The following SUGT1 variants were observed in gnomAD, a reference collection of about 807,000 sequenced individuals.
The protein encoded by SUGT1 is protein SGT1 homolog.
In SUGT1, 15 loss-of-function variants were observed where a neutral mutation model predicts 56.1. That is an observed-to-expected ratio of 0.27 (90% CI 0.18 to 0.41). SUGT1 has a LOEUF of 0.41. Among genes scored for constraint, SUGT1 ranks in the 10% least tolerant of loss-of-function variants. The probability of loss-of-function intolerance (pLI) is 1.00; values close to 1 mark genes in which losing one functional copy is unlikely to be tolerated. For synonymous variants in SUGT1, 123 were observed against 128.6 expected (o/e 0.96, Z 0.30); for missense variants, 347 against 382.2 (o/e 0.91, Z 0.77).
rs1963721567 is a variant in SUGT1 at position 52,689,756 on chromosome 13, G to T, written c.*1921G>T. ...GGCGGAGGTGGGCAGATCACCTGAG[G>T]TCAGGAGTTCAAGACCAGCCTGGCC... On this transcript the variant is annotated 3_prime_UTR_variant, in exon 13 of 13. Coordinates refer to ENST00000310528, the MANE Select transcript of SUGT1 (RefSeq NM_006704.5). The T allele has an allele frequency of 6.6e-6, 1 of 152,228 alleles. No homozygotes were observed. The highest frequency in any genetic ancestry group is 2.4e-5 in the African/African-American group (1 of 41,420). The allele number at this position is 152,228 out of a possible 1,614,324, so 9.4% of individuals were successfully genotyped here. A position where few individuals can be genotyped will look rare whatever the true frequency, so the allele number is the denominator to read the frequency against.
At chr13:52,659,068 T>C (rs1962302955) in intron 4 of SUGT1, 111 bp from the exon 5 acceptor site, 2 of 789,680 alleles carry the variant, frequency 2.5e-6, no homozygotes, top group Non-Finnish European at 3.8e-6. Flanking sequence ...AACATACACT[T>C]AAAATAAATT....
intron 3 of SUGT1, 69 bp from the exon 4 acceptor site, chr13:52,658,330 A>AT: frequency 1.3e-5 from 21 of 1,591,092 alleles, no homozygotes; most frequent in Non-Finnish European, 1.7e-5. Flanking sequence ...TCTAAAACTG[A>AT]TTCATATGTT....
intron 10 of SUGT1, among the ~76,000 whole-genome samples, chr13:52,672,798 G>A (rs895813587): frequency 1.6e-4 from 25 of 152,164 alleles, no homozygotes; most frequent in Non-Finnish European, 3.1e-4. Flanking sequence ...TTGCTTAAGC[G>A]TAATGCCATC....
chr13:52,663,921 AAAT>A lies in SUGT1; in HGVS notation c.400-111_400-109del. The A allele has an allele frequency of 3.0e-6, 3 of 985,756 alleles. No individual in the cohort carries two copies. The South Asian group carries it at 4.7e-5, about 15-fold the overall frequency. The allele number at this position is 985,756 out of a possible 1,614,324, so 61.1% of individuals were successfully genotyped here. A position where few individuals can be genotyped will look rare whatever the true frequency, so the allele number is the denominator to read the frequency against. On this transcript the variant is annotated intron_variant, in intron 7 of 12. Transcript: ENST00000310528. ...ATTTTCATGTAGTTATTTTATATCA[AAAT>A]AACTGCAGTGTTGGGTAAATTAATA...
At chr13:52,665,783 T>G (rs577122474) in intron 9 of SUGT1, 50 bp downstream of exon 9, 1 of 1,249,898 alleles carries the variant, frequency 8.0e-7, no homozygotes, top group African/African-American at 1.5e-5. Flanking sequence ...ATTTGCAAAT[T>G]TAGTATATTG....
chr13:52,671,503 C>G (rs1962935012), intron 10 of SUGT1, among the ~76,000 whole-genome samples: 1 of 152,124 alleles, frequency 6.6e-6, no homozygotes, highest in African/African-American at 2.4e-5. Context: ...ATTCCAGGCA[C>G]TGTACTATGA....
At position 52,679,958 on chromosome 13, in the gene SUGT1, T is replaced by C; in HGVS notation, c.719-16T>C. 6.4e-7 allele frequency: 1 copy of C among 1,561,636 alleles called. No homozygotes were observed. Among genetic ancestry groups the C allele is most frequent in the South Asian group, 1.2e-5 (1 of 82,808 alleles). On this transcript the variant is annotated splice_polypyrimidine_tract_variant and intron_variant, in intron 11 of 12. Coordinates refer to ENST00000310528, the MANE Select transcript of SUGT1 (RefSeq NM_006704.5). ...AACATGTTGATTAATTACTTCTGCC[T>C]TTTTTTACTTCATAGATGTAAAGAA...
rs1229527270 is a variant in SUGT1, at chr13:52,693,764, G to T, written c.*5929G>T. 2 of 152,046 alleles carry T rather than the reference G, an allele frequency of 1.3e-5. No homozygotes were observed. The highest frequency in any genetic ancestry group is 2.9e-5 in the Non-Finnish European group (2 of 68,018). 9.4% of individuals were successfully genotyped at this position (152,046 alleles called of 1,614,324 possible). On this transcript the variant is annotated 3_prime_UTR_variant, in exon 13 of 13. Transcript: ENST00000310528. ...ATCTGTATGACAAGTGATATAAAAC[G>T]TGACCTGAATTTATAATATGAATAG...
At chr13:52,686,651 G>C (rs763881634) in intron 12 of SUGT1, among the ~76,000 whole-genome samples, 7 of 152,170 alleles carry the variant, frequency 4.6e-5, no homozygotes, top group Non-Finnish European at 1.0e-4. Context: ...CCAATGTGTA[G>C]GATATGTAAC....
chr13:52,655,457 G>A (rs1962117377), intron 2 of SUGT1, among the ~76,000 whole-genome samples: 1 of 152,236 alleles, frequency 6.6e-6, no homozygotes, highest in African/African-American at 2.4e-5. Context: ...TACTTTAAAA[G>A]CAGAGTAGAT....
chr13:52,663,048 T>A (rs371909139), intron 6 of SUGT1, 48 bp from the exon 7 acceptor site: 59 of 1,592,802 alleles, frequency 3.7e-5, no homozygotes, highest in Non-Finnish European at 4.8e-5. Context: ...TAACTTTGCT[T>A]AAAAATGCAC....
At chr13:52,680,235 A>G (rs1044965633) in intron 12 of SUGT1, 80 bp downstream of exon 12, 1 of 1,352,556 alleles carries the variant, frequency 7.4e-7, no homozygotes, top group Non-Finnish European at 1.0e-6. Context: ...ATGTGAGACC[A>G]AATTGCGTGT....
chr13:52,657,106 A>G (rs1962203316), intron 2 of SUGT1, among the ~76,000 whole-genome samples: 1 of 152,204 alleles, frequency 6.6e-6, no homozygotes, highest in South Asian at 2.1e-4. Context: ...CCTGAGTGCT[A>G]GATTTAACTT....
intron 9 of SUGT1, among the ~76,000 whole-genome samples, chr13:52,666,572 T>C (rs999085952): frequency 6.6e-6 from 1 of 152,214 alleles, no homozygotes; most frequent in Admixed American, 6.5e-5. Context: ...ACAAATATTA[T>C]GAAACTTATT....
rs1963742629 is a variant in SUGT1, at chr13:52,690,379, C to G, written c.*2544C>G. ...TAATTGTTCCCTCTTTGTTTCTAGA[C>G]TCCAATTTTCATTTCTCAAATTTTG... On this transcript the variant is annotated 3_prime_UTR_variant, in exon 13 of 13. Coordinates refer to ENST00000310528, the MANE Select transcript of SUGT1 (RefSeq NM_006704.5). The G allele has an allele frequency of 8.0e-6, 1 of 125,768 alleles. No individual in the cohort carries two copies. The highest frequency in any genetic ancestry group is 1.6e-5 in the Non-Finnish European group (1 of 60,776). 7.8% of individuals were successfully genotyped at this position (125,768 alleles called of 1,614,324 possible).
chr13:52,687,214 C>T (rs1338279645), intron 12 of SUGT1: 4 of 151,620 alleles, frequency 2.6e-5, no homozygotes, highest in Admixed American at 2.6e-4. Context: ...CTTTCTATAC[C>T]TGCATTTATG....
Position 52,657,649 on chromosome 13 carries a change from C to T in SUGT1, c.187+27C>T, listed in dbSNP as rs1327388808. ...TAACGTTTCTTATAAAGTATATTGC[C>T]CCCTTTTAATAAGTTACTTATACAT... On this transcript the variant is annotated intron_variant, in intron 3 of 12. Transcript: ENST00000310528. The T allele has an allele frequency of 6.3e-6, 10 of 1,577,528 alleles. No individual in the cohort carries two copies. The Admixed American group carries it at 1.3e-4, about 20-fold the overall frequency.
At chr13:52,657,087 C>T (rs778678523) in intron 2 of SUGT1, among the ~76,000 whole-genome samples, 1 of 152,172 alleles carries the variant, frequency 6.6e-6, no homozygotes, top group Non-Finnish European at 1.5e-5. Context: ...TATTGATTGT[C>T]TTAACCTCCC....
intron 5 of SUGT1, among the ~76,000 whole-genome samples, chr13:52,660,657 A>G (rs1555271245): frequency 6.6e-6 from 1 of 152,242 alleles, no homozygotes; most frequent in Non-Finnish European, 1.5e-5. Flanking sequence ...TGCTTATCCC[A>G]GTTTTGGTAT....
Sources: gnomAD v4.1 joint callset for allele counts (sites outside exome capture counted in the v4.1 genomes callset) on GRCh38, gnomAD v4.1.1 for gene constraint, MANE v1.5 for transcripts, NCBI Gene and HGNC (gene_info 2026-07-23, HGNC 2026-07-21) for gene names.